Variants in ZFPM2 observed in about 807,000 individuals in gnomAD.
ZFPM2 encodes the protein zinc finger protein, FOG family member 2.
ZFPM2 carries 20 observed loss-of-function variants against 98.6 expected under a neutral mutation model. The ratio of observed to expected loss-of-function variants is 0.20; its 90% confidence interval spans 0.14 to 0.29. ZFPM2 has a LOEUF of 0.29. ZFPM2 is among the 10% of genes least tolerant of loss of function. ZFPM2 has a pLI of 1.00. For missense variants in ZFPM2, 1,310 were observed against 1,388.6 expected (o/e 0.94, Z 0.90); for synonymous variants, 518 against 502.7 (o/e 1.03, Z -0.41).
At chr8:105,687,419 A>G (rs756238954) in intron 5 of ZFPM2, among the ~76,000 whole-genome samples, 8 of 152,198 alleles carry the variant, frequency 5.3e-5, no homozygotes, top group Non-Finnish European at 8.8e-5. Context: ...CCACTGCCAT[A>G]TATTTATTCA....
chr8:105,412,459 CAT>C (rs1811595487), intron 1 of ZFPM2, among the ~76,000 whole-genome samples: 1 of 151,506 alleles, frequency 6.6e-6, no homozygotes, highest in Non-Finnish European at 1.5e-5. Flanking sequence ...TAAGAAATAA[CAT>C]AACACATGGA....
intron 1 of ZFPM2, among the ~76,000 whole-genome samples, chr8:105,364,587 T>C (rs552309984): frequency 6.6e-6 from 1 of 152,060 alleles, no homozygotes; most frequent in East Asian, 1.9e-4. Context: ...TCCAAACTTT[T>C]TTATAATCAA....
chr8:105,655,443 C>G (rs1817265285), intron 5 of ZFPM2, among the ~76,000 whole-genome samples: 1 of 151,948 alleles, frequency 6.6e-6, no homozygotes, highest in Admixed American at 6.6e-5. Context: ...ATTGGTCAGA[C>G]TGGTCTTGAA....
intron 1 of ZFPM2, among the ~76,000 whole-genome samples, chr8:105,324,355 C>G (rs1420628226): frequency 1.3e-5 from 2 of 151,850 alleles, no homozygotes; most frequent in African/African-American, 2.4e-5. Context: ...CTTTGCATTA[C>G]AGTTAAGGTA....
At chr8:105,727,707 G>A (rs1177444284) in intron 5 of ZFPM2, among the ~76,000 whole-genome samples, 1 of 151,630 alleles carries the variant, frequency 6.6e-6, no homozygotes, top group Non-Finnish European at 1.5e-5. Context: ...AGAGGATACT[G>A]AGCCAGAAAA....
intron 3 of ZFPM2, among the ~76,000 whole-genome samples, chr8:105,446,023 C>G (rs567878356): frequency 6.6e-6 from 1 of 151,790 alleles, no homozygotes; most frequent in African/African-American, 2.4e-5. Flanking sequence ...CAAGTTAAAG[C>G]GATTCTCCTG....
intron 5 of ZFPM2, among the ~76,000 whole-genome samples, chr8:105,646,077 G>A (rs1475722284): frequency 7.3e-5 from 11 of 150,780 alleles, no homozygotes; most frequent in Non-Finnish European, 1.0e-4. Flanking sequence ...AAGAAAGAAA[G>A]GAGAAACATG....
intron 5 of ZFPM2, among the ~76,000 whole-genome samples, chr8:105,751,397 G>A (rs982393215): frequency 1.3e-5 from 2 of 152,076 alleles, no homozygotes; most frequent in Non-Finnish European, 2.9e-5. Context: ...AGATTGTAAC[G>A]AATGTTTGTT....
In ZFPM2 at chr8:105,514,064, A is replaced by T. The variant is rs145903383; in HGVS notation, c.302-47299A>T. ...ATGGCCCAGGATGGAGTGCAGTGGCATGATCTCAGCTCACTACAACCTTTG... is the reference window on the plus strand; with the variant it reads ...ATGGCCCAGGATGGAGTGCAGTGGCTTGATCTCAGCTCACTACAACCTTTG... On this transcript the variant is annotated intron_variant, in intron 3 of 7. Transcript: ENST00000407775. Among the ~76,000 whole-genome samples, 416 of 148,322 alleles carry T rather than the reference A, an allele frequency of 2.8e-3. 2 individuals carry two copies. Among genetic ancestry groups the T allele is most frequent in the African/African-American group, 0.01 (398 of 39,636 alleles).
intron 5 of ZFPM2, among the ~76,000 whole-genome samples, chr8:105,754,985 C>T (rs895605543): frequency 5.0e-5 from 7 of 139,904 alleles, no homozygotes; most frequent in African/African-American, 1.1e-4. Context: ...TGTGTGTGTG[C>T]ACGTGCGCAT....
chr8:105,570,327 T>A (rs1160585764), intron 4 of ZFPM2, among the ~76,000 whole-genome samples: 1 of 151,928 alleles, frequency 6.6e-6, no homozygotes, highest in African/African-American at 2.4e-5. Context: ...TTTATTTTTT[T>A]TTTGATGGAG....
At chr8:105,418,446 G>A in intron 1 of ZFPM2, 4 of 442,674 alleles carry the variant, frequency 9.0e-6, no homozygotes, top group South Asian at 6.5e-5. Flanking sequence ...CATTAATGTA[G>A]CGCACCTCAC....
chr8:105,403,254 A>G (rs1331704071), intron 1 of ZFPM2, among the ~76,000 whole-genome samples: 1 of 152,094 alleles, frequency 6.6e-6, no homozygotes, highest in Admixed American at 6.6e-5. Flanking sequence ...AGTTAAATGT[A>G]AACAGAAATG....
At position 105,749,396 on chromosome 8, in the gene ZFPM2, C is replaced by T. The variant is rs537746014; in HGVS notation, c.533-39322C>T. On this transcript the variant is annotated intron_variant, in intron 5 of 7. Transcript: ENST00000407775. ...AATAGTAAGTTTAATAAATAGTTTC[C>T]CTTTATCAAACATATATTTGGGGGC... Among the ~76,000 whole-genome samples the T allele has an allele frequency of 2.6e-5, 4 of 152,040 alleles. No homozygotes were observed. In the South Asian group the frequency reaches 8.3e-4, roughly 32 times the overall value.
intron 3 of ZFPM2, among the ~76,000 whole-genome samples, chr8:105,469,855 C>T (rs751352357): frequency 1.3e-5 from 2 of 152,148 alleles, no homozygotes; most frequent in Non-Finnish European, 2.9e-5. Context: ...CCACATAGCT[C>T]ATCAGAGGGT....
chr8:105,762,280 G>T (rs1201610815), intron 5 of ZFPM2, among the ~76,000 whole-genome samples: 2 of 151,848 alleles, frequency 1.3e-5, no homozygotes, highest in African/African-American at 4.8e-5. Flanking sequence ...TACAGTATTT[G>T]ATTTTCCTCA....
intron 1 of ZFPM2, among the ~76,000 whole-genome samples, chr8:105,366,247 A>G (rs1300901577): frequency 6.6e-6 from 1 of 152,176 alleles, no homozygotes; most frequent in Non-Finnish European, 1.5e-5. Flanking sequence ...ATTGTCTATG[A>G]TAGTGAATTA....
At chr8:105,611,047 C>T (rs190522724) in intron 4 of ZFPM2, among the ~76,000 whole-genome samples, 2 of 152,280 alleles carry the variant, frequency 1.3e-5, no homozygotes, top group East Asian at 1.9e-4. Context: ...GAGCCTACTC[C>T]AGACATCTCA....
At chr8:105,361,236 A>AT (rs1465016972) in intron 1 of ZFPM2, among the ~76,000 whole-genome samples, 2 of 136,646 alleles carry the variant, frequency 1.5e-5, no homozygotes, top group African/African-American at 5.4e-5. Flanking sequence ...GACGGTGAGC[A>AT]TTTTTTCATG....
Sources: allele counts gnomAD v4.1 joint callset (sites outside exome capture counted in the v4.1 genomes callset), GRCh38; gene constraint gnomAD v4.1.1; transcripts MANE v1.5; gene names NCBI Gene and HGNC (gene_info 2026-07-23, HGNC 2026-07-21).